Variants in EYS observed in about 807,000 individuals in gnomAD.
EYS encodes protein eyes shut homolog.
Under a neutral mutation model 282.1 loss-of-function variants are expected in EYS, and 250 were observed. That is an observed-to-expected ratio of 0.89 (90% CI 0.80 to 0.98). The LOEUF is 0.98. Ranked by LOEUF, EYS falls within the 50% of genes least tolerant of loss-of-function variation. The pLI is 0.00. For synonymous variants in EYS, 1,355 were observed against 1,282.9 expected (o/e 1.06, Z -1.20); for missense variants, 4,016 against 3,709.0 (o/e 1.08, Z -2.15).
chr6:64,420,164 G>C (rs905983815), intron 28 of EYS, among the ~76,000 whole-genome samples: 1 of 151,370 alleles, frequency 6.6e-6, no homozygotes, highest in African/African-American at 2.4e-5. Context: ...TCAACACCAT[G>C]TGGAAACTGC....
intron 26 of EYS, among the ~76,000 whole-genome samples, chr6:64,451,405 T>C (rs1775334104): frequency 6.6e-6 from 1 of 152,068 alleles, no homozygotes; most frequent in South Asian, 2.1e-4. Context: ...ACCAGATGGA[T>C]TCACAGCCGA....
At chr6:64,887,993 C>A (rs1421777215) in intron 18 of EYS, among the ~76,000 whole-genome samples, 1 of 152,018 alleles carries the variant, frequency 6.6e-6, no homozygotes, top group African/African-American at 2.4e-5. Context: ...ATTTCATTTA[C>A]AATAATGTCC....
rs545167499 is a variant in EYS, at chr6:64,853,662, C to A, written c.2993-30840G>T. Reference sequence around the variant, plus strand: ...CGCCGTTGTTAATATAAAGTAGAAACCTAGGCAATACCATTCAGGACATAG... The same window carrying A: ...CGCCGTTGTTAATATAAAGTAGAAAACTAGGCAATACCATTCAGGACATAG... On this transcript the variant is annotated intron_variant, in intron 19 of 42. Coordinates refer to ENST00000503581, the MANE Select transcript of EYS (RefSeq NM_001142800.2). Among the ~76,000 whole-genome samples the A allele has an allele frequency of 2.6e-5, 4 of 152,146 alleles. No individual in the cohort carries two copies. The East Asian group carries it at 7.7e-4, about 29-fold the overall frequency.
chr6:64,357,395 T>C (rs1389609104), intron 29 of EYS, among the ~76,000 whole-genome samples: 1 of 151,662 alleles, frequency 6.6e-6, no homozygotes, highest in Non-Finnish European at 1.5e-5. Context: ...TGACAAGTGA[T>C]ATTTTTATTT....
chr6:63,843,967 C>T (rs1772031933), intron 36 of EYS, among the ~76,000 whole-genome samples: 1 of 152,194 alleles, frequency 6.6e-6, no homozygotes, highest in Admixed American at 6.6e-5. Flanking sequence ...GGGCATTAAA[C>T]CCAGCATCCA....
intron 22 of EYS, among the ~76,000 whole-genome samples, chr6:64,686,795 A>ATATATATATATATGTG: frequency 1.7e-5 from 1 of 58,626 alleles, no homozygotes; most frequent in South Asian, 5.7e-4. Flanking sequence ...ATATGTGTGT[A>ATATATATATATATGTG]TATATATATG....
chr6:65,251,686 C>A (rs982782362), intron 12 of EYS, among the ~76,000 whole-genome samples: 2 of 151,886 alleles, frequency 1.3e-5, no homozygotes, highest in African/African-American at 2.4e-5. Context: ...GACCCAAATG[C>A]CAGTGAATTT....
intron 22 of EYS, among the ~76,000 whole-genome samples, chr6:64,724,213 A>C (rs570971126): frequency 1.3e-5 from 2 of 152,316 alleles, no homozygotes; most frequent in Non-Finnish European, 2.9e-5. Flanking sequence ...TAACCCATTC[A>C]GGCTGAGCCA....
intron 13 of EYS, among the ~76,000 whole-genome samples, chr6:65,035,357 A>G (rs1321804887): frequency 6.6e-6 from 1 of 152,098 alleles, no homozygotes; most frequent in Non-Finnish European, 1.5e-5. Context: ...CAGAGCAATC[A>G]GTCAAGAGAA....
At chr6:64,156,035 T>C (rs1439891356) in intron 31 of EYS, among the ~76,000 whole-genome samples, 1 of 150,924 alleles carries the variant, frequency 6.6e-6, no homozygotes, top group East Asian at 1.9e-4. Flanking sequence ...TGTGTGTGTG[T>C]GTGTGTTTGT....
intron 36 of EYS, chr6:63,857,760 C>T (rs957820414): frequency 1.6e-5 from 4 of 248,252 alleles, no homozygotes; most frequent in African/African-American, 9.0e-5. Context: ...ACTTTGAAGA[C>T]ATTACAACAC....
chr6:65,291,196 A>G (rs1263010823), intron 12 of EYS, among the ~76,000 whole-genome samples: 1 of 151,570 alleles, frequency 6.6e-6, no homozygotes, highest in Non-Finnish European at 1.5e-5. Flanking sequence ...TCACATTGTA[A>G]GCACTCAATC....
At chr6:65,645,156 G>GA (rs34921313) in intron 1 of EYS, among the ~76,000 whole-genome samples, 34,260 of 151,830 alleles carry the variant, frequency 0.23, 4,553 homozygotes, top group African/African-American at 0.38. Context: ...AGAAACAATG[G>GA]ACTTAGACTA....
At chr6:64,871,926 C>T (rs987703655) in intron 19 of EYS, among the ~76,000 whole-genome samples, 1 of 151,992 alleles carries the variant, frequency 6.6e-6, no homozygotes, top group East Asian at 1.9e-4. Flanking sequence ...GGCAACCATT[C>T]ATTTGCCAAT....
chr6:64,666,193 G>A (rs1006433983), intron 22 of EYS, among the ~76,000 whole-genome samples: 2 of 152,154 alleles, frequency 1.3e-5, no homozygotes, highest in African/African-American at 4.8e-5. Context: ...TCACTGTGAT[G>A]TGAATTTACC....
chr6:64,416,789 T>C lies in EYS; in HGVS notation c.5927+19385A>G, dbSNP rs550255441. ...TAAATTTTCCAAATATTACTCAGCA[T>C]AATATGGCTGTCCTTAGGTAAAAGA... On this transcript the variant is annotated intron_variant, in intron 28 of 42. Transcript: ENST00000503581. 5.3e-5 allele frequency among the ~76,000 whole-genome samples: 8 copies of C among 152,330 alleles called. No individual in the cohort carries two copies. In the East Asian group the frequency reaches 1.5e-3, roughly 29 times the overall value.
chr6:64,588,513 T>C (rs187265556), intron 26 of EYS, among the ~76,000 whole-genome samples: 1 of 152,118 alleles, frequency 6.6e-6, no homozygotes, highest in African/African-American at 2.4e-5. Context: ...TGTCTGTTCT[T>C]ATTGGATTAC....
chr6:65,619,313 C>G (rs1250608517), intron 2 of EYS, among the ~76,000 whole-genome samples: 5 of 151,482 alleles, frequency 3.3e-5, no homozygotes, highest in Non-Finnish European at 1.5e-5. Flanking sequence ...CTCTTTGAAG[C>G]AATTATGAAT....
chr6:64,809,350 C>T (rs1034203911), intron 22 of EYS, among the ~76,000 whole-genome samples: 4 of 151,538 alleles, frequency 2.6e-5, no homozygotes, highest in African/African-American at 4.9e-5. Flanking sequence ...TTTAAGTGGG[C>T]GTTACATTTA....
Sources: gnomAD v4.1 joint callset for allele counts (sites outside exome capture counted in the v4.1 genomes callset) on GRCh38, gnomAD v4.1.1 for gene constraint, MANE v1.5 for transcripts, NCBI Gene and HGNC (gene_info 2026-07-23, HGNC 2026-07-21) for gene names.